Variants in VOPP1 observed in about 807,000 individuals in gnomAD.
VOPP1 encodes VOPP1 WW domain binding protein.
A neutral mutation model predicts 23.5 loss-of-function variants in VOPP1; 8 were observed. The observed-to-expected ratio is 0.34, with a 90% CI of 0.20 to 0.61. The LOEUF is 0.61. Among genes scored for constraint, VOPP1 ranks in the 20% least tolerant of loss-of-function variants. VOPP1 has a pLI of 0.78. For synonymous variants in VOPP1, 83 were observed against 97.3 expected (o/e 0.85, Z 0.86); for missense variants, 174 against 238.1 (o/e 0.73, Z 1.77).
chr7:55,497,061 C>G (rs1794004136), intron 3 of VOPP1, among the ~76,000 whole-genome samples: 1 of 152,244 alleles, frequency 6.6e-6, no homozygotes, highest in Non-Finnish European at 1.5e-5. Context: ...AGGCTCCCCC[C>G]ATGGAATGTG....
chr7:55,497,584 G>A (rs1266842371), intron 3 of VOPP1, 29 bp downstream of exon 3: 3 of 1,569,528 alleles, frequency 1.9e-6, no homozygotes, highest in Non-Finnish European at 2.6e-6. Flanking sequence ...AGCTCTCGGG[G>A]TAGGGAACAA....
At chr7:55,539,902 C>T (rs1797040071) in intron 1 of VOPP1, among the ~76,000 whole-genome samples, 1 of 63,488 alleles carries the variant, frequency 1.6e-5, no homozygotes, top group Non-Finnish European at 3.1e-5. Flanking sequence ...AAGCGCTGCA[C>T]ACACACACAC....
intron 4 of VOPP1, among the ~76,000 whole-genome samples, chr7:55,491,158 A>G (rs1793537814): frequency 6.6e-6 from 1 of 152,230 alleles, no homozygotes; most frequent in Non-Finnish European, 1.5e-5. Flanking sequence ...GCCATGCTCT[A>G]TTCCATAAAC....
intron 4 of VOPP1, among the ~76,000 whole-genome samples, chr7:55,449,773 G>A (rs1037461763): frequency 3.9e-5 from 6 of 152,006 alleles, no homozygotes; most frequent in African/African-American, 1.4e-4. Context: ...CTCCACCCCC[G>A]CACTGTGCCC....
intron 1 of VOPP1, among the ~76,000 whole-genome samples, chr7:55,556,236 A>T (rs1022984324): frequency 6.6e-6 from 1 of 152,288 alleles, no homozygotes; most frequent in African/African-American, 2.4e-5. Context: ...AGGCAGGAGG[A>T]GGTGGGAGAG....
intron 4 of VOPP1, among the ~76,000 whole-genome samples, chr7:55,445,268 T>C (rs28579872): frequency 8.7e-5 from 11 of 126,058 alleles, no homozygotes; most frequent in African/African-American, 1.2e-4. Flanking sequence ...CACACAGACA[T>C]ACACACACAG....
chr7:55,452,145 T>C (rs571713043), intron 4 of VOPP1, among the ~76,000 whole-genome samples: 3 of 152,340 alleles, frequency 2.0e-5, no homozygotes, highest in South Asian at 4.1e-4. Flanking sequence ...TGTGTTGTAA[T>C]TTCAACAATA....
downstream of VOPP1, among the ~76,000 whole-genome samples, chr7:55,469,698 C>T (rs920363302): frequency 2.0e-5 from 3 of 152,148 alleles, no homozygotes; most frequent in African/African-American, 7.2e-5. Context: ...GCCAGCACTG[C>T]CTGCTACAAG....
intron 1 of VOPP1, among the ~76,000 whole-genome samples, chr7:55,523,470 C>CA (rs1795995809): frequency 6.6e-6 from 1 of 152,044 alleles, no homozygotes; most frequent in South Asian, 2.1e-4. Flanking sequence ...ACCCAACTAA[C>CA]AGAGTCGAGG....
intron 1 of VOPP1, chr7:55,561,967 C>T: frequency 1.4e-6 from 1 of 703,396 alleles, no homozygotes; most frequent in Non-Finnish European, 2.6e-6. Context: ...AGTATGGTGC[C>T]TTCAGGACCC....
chr7:55,475,786 G>C (rs1792194553), intron 4 of VOPP1, among the ~76,000 whole-genome samples: 1 of 152,238 alleles, frequency 6.6e-6, no homozygotes, highest in South Asian at 2.1e-4. Context: ...GGTAAGGAGA[G>C]GTGAGTAAAA....
At chr7:55,483,567 G>A (rs190612006) in intron 4 of VOPP1, among the ~76,000 whole-genome samples, 3 of 152,054 alleles carry the variant, frequency 2.0e-5, no homozygotes, top group East Asian at 1.9e-4. Context: ...GCTCTCTCTC[G>A]GGTTCCTTTG....
At chr7:55,491,118 T>G (rs1239753071) in intron 4 of VOPP1, among the ~76,000 whole-genome samples, 1 of 152,226 alleles carries the variant, frequency 6.6e-6, no homozygotes, top group African/African-American at 2.4e-5. Flanking sequence ...CTGATGAGTT[T>G]AAAGACAGGG....
intron 2 of VOPP1, 39 bp from the exon 3 acceptor site, chr7:55,497,729 A>G: frequency 6.3e-7 from 1 of 1,591,290 alleles, no homozygotes; most frequent in Non-Finnish European, 8.6e-7. Context: ...ACTGAATTGG[A>G]AGCAGCCACC....
intron 1 of VOPP1, 108 bp downstream of exon 1, chr7:55,572,163 G>A: frequency 9.1e-6 from 8 of 878,664 alleles, no homozygotes; most frequent in South Asian, 1.8e-5. Context: ...TCGCTCCACC[G>A]TCTGCGCTCC....
chr7:55,564,362 TTGA>T (rs1323007041), intron 1 of VOPP1, among the ~76,000 whole-genome samples: 1 of 151,970 alleles, frequency 6.6e-6, no homozygotes. Flanking sequence ...GTTTTGGCCC[TTGA>T]TGACACTCAG....
At chr7:55,552,541 C>G in intron 1 of VOPP1, 1 of 1,511,010 alleles carries the variant, frequency 6.6e-7, no homozygotes, top group Non-Finnish European at 8.9e-7. Context: ...GCAACACAAG[C>G]ATGATTTTCC....
At chr7:55,470,584 C>T (rs1791754200), downstream of VOPP1, 1 of 152,222 alleles carries the variant, frequency 6.6e-6, no homozygotes, top group South Asian at 2.1e-4. Flanking sequence ...CCCTCTTTCC[C>T]ACTCCCCCAA....
chr7:55,476,796 A>G (rs115003412), intron 4 of VOPP1, among the ~76,000 whole-genome samples: 2,265 of 152,150 alleles, frequency 0.015, 61 homozygotes, highest in African/African-American at 0.05. Flanking sequence ...CCTGCCACCC[A>G]AGCTGTGGCA....
Sources: gnomAD v4.1 joint callset for allele counts (sites outside exome capture counted in the v4.1 genomes callset) on GRCh38, gnomAD v4.1.1 for gene constraint, MANE v1.5 for transcripts, NCBI Gene and HGNC (gene_info 2026-07-23, HGNC 2026-07-21) for gene names.